The following PBRM1 variants were observed in gnomAD, a reference collection of about 807,000 sequenced individuals.
PBRM1 encodes the protein protein polybromo-1.
PBRM1 carries 27 observed loss-of-function variants against 194.5 expected under a neutral mutation model. The observed-to-expected ratio is 0.14, with a 90% CI of 0.10 to 0.19. The LOEUF (loss-of-function observed/expected upper bound fraction) is 0.19. PBRM1 is among the 10% of genes least tolerant of loss of function. The probability of loss-of-function intolerance (pLI) is 1.00; values close to 1 mark genes in which losing one functional copy is unlikely to be tolerated. For missense variants in PBRM1, 1,466 were observed against 2,077.2 expected, an observed-to-expected ratio of 0.71 and a Z score of 5.72; for synonymous variants, 655 against 693.2, an observed-to-expected ratio of 0.94 and a Z score of 0.87.
rs186865654 is a variant in PBRM1 at position 52,608,872 on chromosome 3, C to T, written c.2567+441G>A. On this transcript the variant is annotated intron_variant, in intron 16 of 29. Coordinates refer to ENST00000296302, the Ensembl canonical transcript of PBRM1. ...AGATTAAAAAAAAAAAAGAAACCCT[C>T]TGAGGTACTTAAAATGGTGATCAAA... Among the ~76,000 whole-genome samples the T allele has an allele frequency of 1.8e-4, 27 of 152,036 alleles. No individual in the cohort carries two copies. In the East Asian group the frequency reaches 4.6e-3, roughly 26 times the overall value.
intron 7 of PBRM1, among the ~76,000 whole-genome samples, chr3:52,647,375 T>C (rs372459422): frequency 2.4e-5 from 3 of 124,568 alleles, no homozygotes; most frequent in African/African-American, 9.3e-5. Context: ...GAAAGTTAAA[T>C]ATACAGTTAC....
chr3:52,550,657 C>T lies in PBRM1; in HGVS notation c.4681-20G>A, dbSNP rs1280284287. The T allele has an allele frequency of 6.4e-7, 1 of 1,560,458 alleles. No homozygotes were observed. The highest frequency in any genetic ancestry group is 1.9e-5 in the Admixed American group (1 of 53,450). ...TCCCACCTGAAAGAGCACAGGACCA[C>T]ATGGTGAGGCAAAAAGAGACTCTGC... On this transcript the variant is annotated intron_variant, in intron 28 of 29. Transcript: ENST00000296302.
exon 22 of PBRM1, chr3:52,576,678 C>T (rs753432959): frequency 6.2e-6 from 10 of 1,601,736 alleles, no homozygotes; most frequent in Admixed American, 1.7e-5. Flanking sequence ...AGCTCCATCT[C>T]GAACCCATAC....
At chr3:52,684,215 A>G (rs1394082361), upstream of PBRM1, among the ~76,000 whole-genome samples, 3 of 150,160 alleles carry the variant, frequency 2.0e-5, no homozygotes, top group Non-Finnish European at 4.4e-5. Context: ...GCATCCCTTC[A>G]GCAATTTTGT....
chr3:52,562,081 G>T (rs894300318), intron 24 of PBRM1, 113 bp from the exon 27 acceptor site: 1 of 760,048 alleles, frequency 1.3e-6, no homozygotes, highest in East Asian at 2.5e-5. Context: ...CAGCACTTTG[G>T]GGGGCCGAGA....
chr3:52,619,873 G>A (rs992429074), intron 13 of PBRM1, among the ~76,000 whole-genome samples: 3 of 151,992 alleles, frequency 2.0e-5, no homozygotes, highest in African/African-American at 7.3e-5. Flanking sequence ...ATTTAATTAG[G>A]AAAAAAACAG....
chr3:52,587,021 C>G (rs1468456876), intron 19 of PBRM1, among the ~76,000 whole-genome samples: 2 of 151,950 alleles, frequency 1.3e-5, no homozygotes, highest in East Asian at 3.9e-4. Flanking sequence ...GTGTATCAGA[C>G]AGACACACAA....
chr3:52,680,467 C>G (rs372121805), upstream of PBRM1, among the ~76,000 whole-genome samples: 6 of 152,264 alleles, frequency 3.9e-5, 1 homozygote, highest in Admixed American at 1.3e-4. Context: ...ATGACATACT[C>G]TAACTATAAC....
At position 52,609,543 on chromosome 3, in the gene PBRM1, T is replaced by C; in HGVS notation, c.2337A>G (p.Gln779=). 1 of 1,614,058 alleles carries C rather than the reference T, an allele frequency of 6.2e-7. No homozygotes were observed. The highest frequency in any genetic ancestry group is 1.1e-5 in the South Asian group (1 of 91,048). ...ACACAAAAAGATTGTGGATAAGCTC[T>C]TGAATCAGCAAAGTCACATTTGGGA... The change falls in exon 16 of 30, where the codon CAA becomes CAG. Residue 779 remains glutamine, a synonymous_variant. Transcript: ENST00000296302. The surrounding 1 kb of genome is among the most constrained non-coding windows in gnomAD (Gnocchi z 4.1).
intron 22 of PBRM1, among the ~76,000 whole-genome samples, chr3:52,574,834 T>C (rs1221104256): frequency 1.3e-5 from 2 of 152,230 alleles, no homozygotes; most frequent in African/African-American, 4.8e-5. Context: ...CGAAAACCTC[T>C]GTCAAATCAC....
At chr3:52,674,736 T>C (rs1231367410) in intron 2 of PBRM1, among the ~76,000 whole-genome samples, 1 of 149,308 alleles carries the variant, frequency 6.7e-6, no homozygotes, top group Non-Finnish European at 1.5e-5. Context: ...TATGTAGCGT[T>C]AGGTAAGAAT....
At chr3:52,582,283 T>C (rs1260390443) in intron 20 of PBRM1, among the ~76,000 whole-genome samples, 3 of 149,992 alleles carry the variant, frequency 2.0e-5, no homozygotes, top group Non-Finnish European at 3.0e-5. Context: ...GTCTTGGTCA[T>C]ATAATATTGA....
intron 15 of PBRM1, among the ~76,000 whole-genome samples, chr3:52,613,068 G>C (rs1480798143): frequency 1.3e-5 from 2 of 151,988 alleles, no homozygotes; most frequent in Non-Finnish European, 1.5e-5. Flanking sequence ...TGCTAATTTT[G>C]TTAGGTATGA....
At chr3:52,674,940 T>C (rs1183095787) in intron 2 of PBRM1, among the ~76,000 whole-genome samples, 1 of 151,542 alleles carries the variant, frequency 6.6e-6, no homozygotes, top group Non-Finnish European at 1.5e-5. Flanking sequence ...CACTCCAGCC[T>C]GGGTGCCAAA....
At chr3:52,612,995 AT>A (rs1408652507) in intron 15 of PBRM1, among the ~76,000 whole-genome samples, 1 of 152,128 alleles carries the variant, frequency 6.6e-6, no homozygotes, top group Non-Finnish European at 1.5e-5. Context: ...ATAAAAATAC[AT>A]TTGTGAGACA....
At chr3:52,643,466 TTC>T in intron 8 of PBRM1, 123 bp from the exon 10 acceptor site, 1 of 678,718 alleles carries the variant, frequency 1.5e-6, no homozygotes, top group South Asian at 1.7e-5. Flanking sequence ...ACTTCTGAAC[TTC>T]TACTATGCAG....
chr3:52,567,806 G>GTTTTT (rs1163710948), intron 22 of PBRM1, among the ~76,000 whole-genome samples: 7 of 98,150 alleles, frequency 7.1e-5, no homozygotes, highest in African/African-American at 1.1e-4. Context: ...TAATTTTTGT[G>GTTTTT]TTTTTTTTTT....
intron 29 of PBRM1, among the ~76,000 whole-genome samples, chr3:52,548,671 C>T (rs2080076577): frequency 6.6e-6 from 1 of 152,276 alleles, no homozygotes; most frequent in Admixed American, 6.5e-5. Context: ...GGTGATCTGC[C>T]TACCTTGGCC....
At chr3:52,587,230 G>T in intron 19 of PBRM1, 123 bp downstream of exon 21, 1 of 770,024 alleles carries the variant, frequency 1.3e-6, no homozygotes, top group South Asian at 1.6e-5. Flanking sequence ...TAGCTATATA[G>T]ACACGGCTTA....
Sources: allele counts gnomAD v4.1 joint callset (sites outside exome capture counted in the v4.1 genomes callset), GRCh38; gene constraint gnomAD v4.1.1; non-coding constraint Gnocchi (gnomAD v3.1); transcripts MANE v1.5; gene names NCBI Gene and HGNC (gene_info 2026-07-23, HGNC 2026-07-21).